Variants in SDK2 observed in about 807,000 individuals in gnomAD.
The protein encoded by SDK2 is sidekick cell adhesion molecule 2, also known as protein sidekick-2.
A neutral mutation model predicts 253.9 loss-of-function variants in SDK2; 105 were observed. That is an observed-to-expected ratio of 0.41 (90% confidence interval 0.35 to 0.49). SDK2 has a LOEUF of 0.49. Ranked by LOEUF, SDK2 falls within the 20% of genes least tolerant of loss-of-function variation. The pLI, the probability that SDK2 is intolerant of heterozygous loss-of-function variation, is 0.06. For missense variants in SDK2, 2,608 were observed against 3,003.0 expected, an observed-to-expected ratio of 0.87 and a Z score of 3.07; for synonymous variants, 1,249 against 1,234.9, an observed-to-expected ratio of 1.01 and a Z score of -0.24.
intron 2 of SDK2, among the ~76,000 whole-genome samples, chr17:73,498,246 C>T (rs772037440): frequency 3.3e-5 from 5 of 152,154 alleles, no homozygotes; most frequent in Admixed American, 6.5e-5. Flanking sequence ...ACGGTTTGTC[C>T]ACACTACTCA....
Position 73,390,326 on chromosome 17 carries a change from C to T in SDK2, c.4153G>A (p.Glu1385Lys). The T allele has an allele frequency of 6.2e-7, 1 of 1,605,542 alleles. No individual in the cohort carries two copies. The highest frequency in any genetic ancestry group is 1.7e-4 in the Middle Eastern group (1 of 6,040). ...GTCACCACCAAGGCCTCGGCAGCTT[C>T]TCCCCAGCCCTTGCGGGTCTGGGCC... ...ITAQTRKGWG[E>K]AAEALVVTTE... The change falls in exon 29 of 45, where the codon GAA (glutamate) becomes AAA (lysine). Residue 1385 changes from glutamate to lysine, a missense_variant. Physicochemically the swap from Glu to Lys is moderately conservative, Grantham distance 56. This residue lies in a region of SDK2 where 1,103 missense variants were observed against 1,143.9 expected (regional missense o/e 0.96). Coordinates refer to ENST00000392650, the MANE Select transcript of SDK2 (RefSeq NM_001144952.2).
rs1567773326 is a variant in SDK2, at chr17:73,438,190, GA to G, written c.726-37del. The G allele has an allele frequency of 2.0e-6, 3 of 1,529,470 alleles. No individual in the cohort carries two copies. In the East Asian group the frequency reaches 7.4e-5, roughly 38 times the overall value. 94.7% of individuals were successfully genotyped at this position (1,529,470 alleles called of 1,614,324 possible). A position where few individuals can be genotyped will look rare whatever the true frequency, so the allele number is the denominator to read the frequency against. Reference sequence around the variant, plus strand: ...CAAGGGAAGGCCAGTGTTCAGCCATGAGGACTCCCAGAGGCCTGAGAGGCAG... The same window carrying G: ...CAAGGGAAGGCCAGTGTTCAGCCATGGGACTCCCAGAGGCCTGAGAGGCAG... On this transcript the variant is annotated intron_variant, in intron 6 of 44. Transcript: ENST00000392650.
At chr17:73,543,435 C>T (rs544402123) in intron 1 of SDK2, among the ~76,000 whole-genome samples, 2 of 152,362 alleles carry the variant, frequency 1.3e-5, no homozygotes, top group South Asian at 4.1e-4. Context: ...CACAGCCCAT[C>T]CCTATTCCTC....
At position 73,470,669 on chromosome 17, in the gene SDK2, G is replaced by A. The variant is rs191193508; in HGVS notation, c.331+1443C>T. 1.9e-4 allele frequency among the ~76,000 whole-genome samples: 29 copies of A among 152,284 alleles called. No individual in the cohort carries two copies. In the East Asian group the frequency reaches 2.9e-3, roughly 15 times the overall value. ...CCACTTTTGATTACGGTTGTTTTCCGTAATTATCATAAACACTCTTTGCCT... is the reference window on the plus strand; with the variant it reads ...CCACTTTTGATTACGGTTGTTTTCCATAATTATCATAAACACTCTTTGCCT... On this transcript the variant is annotated intron_variant, in intron 3 of 44. Coordinates refer to ENST00000392650, the MANE Select transcript of SDK2 (RefSeq NM_001144952.2).
intron 6 of SDK2, among the ~76,000 whole-genome samples, chr17:73,440,334 G>A (rs1253784940): frequency 6.6e-6 from 1 of 151,964 alleles, no homozygotes; most frequent in Non-Finnish European, 1.5e-5. Context: ...TTGAACTCCC[G>A]ACCTCAGGTG....
chr17:73,352,731 G>T lies in SDK2; in HGVS notation c.5594-94C>A. ...TCTGACTATGCTCCCTGAGGGCTGG[G>T]CCTGTTGGATCCTCCCTGCTCCACA... is the stretch of plus-strand genomic sequence containing the variant. On this transcript the variant is annotated intron_variant, in intron 40 of 44. Coordinates refer to ENST00000392650, the MANE Select transcript of SDK2 (RefSeq NM_001144952.2). This position sits in a 1 kb window ranked among gnomAD's most constrained non-coding sequence, Gnocchi z 4.1. 7.7e-7 allele frequency: 1 copy of T among 1,307,138 alleles called. No individual in the cohort carries two copies. Among genetic ancestry groups the T allele is most frequent in the Non-Finnish European group, 1.1e-6 (1 of 930,332 alleles). 81.0% of individuals were successfully genotyped at this position (1,307,138 alleles called of 1,614,324 possible).
At chr17:73,564,509 C>T (rs951949203) in intron 1 of SDK2, among the ~76,000 whole-genome samples, 5 of 152,204 alleles carry the variant, frequency 3.3e-5, no homozygotes, top group Admixed American at 6.5e-5. Context: ...TCCTGCCCTG[C>T]TCCCTCCCCA....
At chr17:73,594,235 G>T (rs964259879) in intron 1 of SDK2, among the ~76,000 whole-genome samples, 6 of 152,136 alleles carry the variant, frequency 3.9e-5, no homozygotes, top group Non-Finnish European at 8.8e-5. Context: ...GTAGGGGAAG[G>T]TCAGCCACTG....
intron 17 of SDK2, among the ~76,000 whole-genome samples, 176 bp downstream of exon 17, chr17:73,415,635 A>G (rs998829252): frequency 2.0e-5 from 3 of 152,050 alleles, no homozygotes; most frequent in Non-Finnish European, 4.4e-5. Flanking sequence ...AGCATGTAGC[A>G]TGCCACCACA....
chr17:73,416,739 G>A (rs557029216), intron 16 of SDK2, among the ~76,000 whole-genome samples: 1 of 151,830 alleles, frequency 6.6e-6, no homozygotes, highest in African/African-American at 2.4e-5. Flanking sequence ...ACAGGCATGC[G>A]CTCCCATGCC....
intron 12 of SDK2, among the ~76,000 whole-genome samples, chr17:73,429,590 G>T (rs1000081747): frequency 5.9e-5 from 9 of 152,222 alleles, no homozygotes; most frequent in Non-Finnish European, 1.3e-4. Context: ...AGCTGCCTTC[G>T]GCATGAGGAG....
intron 44 of SDK2, among the ~76,000 whole-genome samples, chr17:73,344,754 G>A (rs1180828910): frequency 6.6e-6 from 1 of 152,234 alleles, no homozygotes; most frequent in Non-Finnish European, 1.5e-5. Flanking sequence ...GGTCTCAGCT[G>A]AGCCTGTTGG....
Position 73,361,271 on chromosome 17 carries a change from G to A in SDK2, c.5467+413C>T, listed in dbSNP as rs1000717515. Among the ~76,000 whole-genome samples the A allele has an allele frequency of 6.6e-6, 1 of 152,224 alleles. No homozygotes were observed. Among genetic ancestry groups the A allele is most frequent in the Non-Finnish European group, 1.5e-5 (1 of 68,042 alleles). ...TGCTCTGAGAACCGCTGCCTGGAGG[G>A]TAGGGGTGGTTCAGGGGCGTGGGAA... On this transcript the variant is annotated intron_variant, in intron 39 of 44. Coordinates refer to ENST00000392650, the MANE Select transcript of SDK2 (RefSeq NM_001144952.2). This position sits in a 1 kb window ranked among gnomAD's most constrained non-coding sequence, Gnocchi z 4.1.
At chr17:73,596,328 C>A (rs2045757851) in intron 1 of SDK2, among the ~76,000 whole-genome samples, 1 of 152,166 alleles carries the variant, frequency 6.6e-6, no homozygotes, top group African/African-American at 2.4e-5. Flanking sequence ...CCCACTCCAA[C>A]TGGGGACCTG....
chr17:73,358,133 C>T lies in SDK2; in HGVS notation c.5539G>A (p.Gly1847Arg), dbSNP rs1163372107. Residue 1847 changes from glycine (G) to arginine (R), a missense_variant, in exon 40 of 45, where the codon GGA becomes AGA. Around this residue, in one of 2 missense-constraint regions of SDK2, gnomAD observed 1,103 missense variants for 1,143.9 expected, o/e 0.96. Transcript: ENST00000392650. ...GTGATGGGCCCTTTGCCCGGGTCTC[C>T]GCTGGACCAGTGAATGGCGATGGCA... is the stretch of plus-strand genomic sequence containing the variant. ...SSAIAIHWSS[G>R]DPGKGPITRY... is the part of the protein sequence containing the mutation. The T allele has an allele frequency of 7.4e-6, 12 of 1,613,138 alleles. No homozygotes were observed. Among genetic ancestry groups the T allele is most frequent in the Admixed American group, 6.7e-5 (4 of 59,886 alleles).
At chr17:73,490,703 G>A (rs1427922727) in intron 2 of SDK2, among the ~76,000 whole-genome samples, 1 of 151,436 alleles carries the variant, frequency 6.6e-6, no homozygotes, top group African/African-American at 2.4e-5. Flanking sequence ...TTATTATTAT[G>A]TTTTAAGAGA....
chr17:73,502,042 A>C (rs2063894607), intron 2 of SDK2, among the ~76,000 whole-genome samples: 1 of 151,988 alleles, frequency 6.6e-6, no homozygotes, highest in African/African-American at 2.4e-5. Flanking sequence ...ACAATCACAC[A>C]TACTCAGAAG....
chr17:73,369,120 C>A (rs1424945430), intron 36 of SDK2: 1 of 470,600 alleles, frequency 2.1e-6, no homozygotes, highest in African/African-American at 2.0e-5. Flanking sequence ...AGGGCATGGC[C>A]CCCAAGTGTC....
chr17:73,537,598 G>A (rs575665464), intron 1 of SDK2, among the ~76,000 whole-genome samples: 3 of 152,134 alleles, frequency 2.0e-5, no homozygotes, highest in Admixed American at 1.3e-4. Context: ...GGGGAGGTTT[G>A]GGGGGATGAA....
Sources: allele counts gnomAD v4.1 joint callset (sites outside exome capture counted in the v4.1 genomes callset), GRCh38; gene constraint gnomAD v4.1.1; regional missense constraint gnomAD v4.1.1; non-coding constraint Gnocchi (gnomAD v3.1); transcripts MANE v1.5; gene names NCBI Gene and HGNC (gene_info 2026-07-23, HGNC 2026-07-21).